FSHR: variants seen among roughly 807,000 people sequenced by gnomAD.
FSHR encodes the protein follicle-stimulating hormone receptor.
In FSHR, 46 loss-of-function variants were observed where a neutral mutation model predicts 52.1. The observed-to-expected ratio is 0.88, with a 90% confidence interval of 0.70 to 1.13. The LOEUF (loss-of-function observed/expected upper bound fraction) is 1.13, where lower values mean the gene tolerates loss of function less well. Among genes scored for constraint, FSHR ranks in the 50% most tolerant of loss-of-function variants. The pLI is 0.00. For missense variants in FSHR, 964 were observed against 834.6 expected (o/e 1.16, Z -1.91); for synonymous variants, 399 against 309.6 (o/e 1.29, Z -3.03).
At chr2:48,986,282 T>C (rs1037618801) in intron 6 of FSHR, among the ~76,000 whole-genome samples, 5 of 152,304 alleles carry the variant, frequency 3.3e-5, no homozygotes, top group Non-Finnish European at 7.4e-5. Flanking sequence ...TCTATCCATG[T>C]TGCTGCAAAG....
intron 6 of FSHR, among the ~76,000 whole-genome samples, chr2:48,987,741 CT>C (rs375484083): frequency 8.1e-4 from 123 of 152,036 alleles, no homozygotes; most frequent in Middle Eastern, 3.4e-3. Context: ...AATGATTGCT[CT>C]TTTTTTCTTT....
intron 1 of FSHR, among the ~76,000 whole-genome samples, chr2:49,114,290 T>C (rs909942610): frequency 6.6e-5 from 10 of 152,188 alleles, no homozygotes; most frequent in African/African-American, 2.4e-4. Flanking sequence ...GACTGGGGGC[T>C]GATCACCTCT....
chr2:49,097,431 G>A (rs907395043), intron 1 of FSHR, among the ~76,000 whole-genome samples: 10 of 152,126 alleles, frequency 6.6e-5, no homozygotes, highest in African/African-American at 2.2e-4. Context: ...GTATTTTTCA[G>A]TGCAAGGCCA....
chr2:49,121,642 A>C (rs1207951476), intron 1 of FSHR, among the ~76,000 whole-genome samples: 2 of 152,154 alleles, frequency 1.3e-5, no homozygotes, highest in Admixed American at 1.3e-4. Flanking sequence ...TTTGCCTTGC[A>C]GTTGTCATTC....
chr2:49,085,974 G>A (rs1228099340), intron 1 of FSHR, among the ~76,000 whole-genome samples: 1 of 147,260 alleles, frequency 6.8e-6, no homozygotes, highest in Non-Finnish European at 1.5e-5. Context: ...TGGGGGGGGG[G>A]AGTGGGGAGG....
chr2:49,021,564 C>G (rs1358447936), intron 2 of FSHR, among the ~76,000 whole-genome samples: 2 of 130,308 alleles, frequency 1.5e-5, no homozygotes, highest in African/African-American at 2.6e-5. Context: ...AAAAAGAAGG[C>G]CCCTGGGGGA....
intron 5 of FSHR, among the ~76,000 whole-genome samples, chr2:48,989,566 C>T (rs987985028): frequency 1.3e-5 from 2 of 152,128 alleles, no homozygotes; most frequent in Admixed American, 1.3e-4. Flanking sequence ...GAGCCACTGG[C>T]CACTGTGCAT....
intron 1 of FSHR, among the ~76,000 whole-genome samples, chr2:49,081,788 T>G (rs889432934): frequency 6.6e-6 from 1 of 152,232 alleles, no homozygotes; most frequent in Non-Finnish European, 1.5e-5. Flanking sequence ...CTGTCTCTGT[T>G]AGAAATATTT....
rs1558456195 is a variant in FSHR, at chr2:49,127,748, TTCTTTCTTCTTCTTC to T, written c.152+26503_152+26517del. 2.3e-3 allele frequency among the ~76,000 whole-genome samples: 263 copies of T among 116,046 alleles called. 17 individuals are homozygous for T. The highest frequency in any genetic ancestry group is 8.1e-3 in the African/African-American group (251 of 31,044). The allele number at this position is 116,046 out of a possible 152,430, so 76.1% of individuals were successfully genotyped here. Reference sequence around the variant, plus strand: ...TTGATTTGTGCATGATTTCTTCTTCTTCTTTCTTCTTCTTCTTCTTCTTCTTCTTCTTCTTCTTCT... The same window carrying T: ...TTGATTTGTGCATGATTTCTTCTTCTTTCTTCTTCTTCTTCTTCTTCTTCT... On this transcript the variant is annotated intron_variant, in intron 1 of 9. Coordinates refer to ENST00000406846, the MANE Select transcript of FSHR (RefSeq NM_000145.4).
chr2:49,125,338 A>T (rs1283360758), intron 1 of FSHR, among the ~76,000 whole-genome samples: 1 of 152,194 alleles, frequency 6.6e-6, no homozygotes, highest in East Asian at 1.9e-4. Flanking sequence ...ATCACAAAAA[A>T]ATCTCATAAT....
Position 49,098,173 on chromosome 2 carries a change from A to T in FSHR, c.153-29883T>A, listed in dbSNP as rs1670895061. On this transcript the variant is annotated intron_variant, in intron 1 of 9. Transcript: ENST00000406846. ...ATGATTCCTGATTGGTTTGAAATTT[A>T]AATTTGTAATTGGGTGTACTTTTTT... Among the ~76,000 whole-genome samples, 6 of 152,308 alleles carry T rather than the reference A, an allele frequency of 3.9e-5. No individual in the cohort carries two copies. In the South Asian group the frequency reaches 1.0e-3, roughly 26 times the overall value.
At chr2:49,103,907 C>T (rs1406276130) in intron 1 of FSHR, among the ~76,000 whole-genome samples, 1 of 151,432 alleles carries the variant, frequency 6.6e-6, no homozygotes. Flanking sequence ...TTTTAGTGTG[C>T]CTTGCTGCCC....
At chr2:48,977,763 A>G (rs1184829288) in intron 8 of FSHR, among the ~76,000 whole-genome samples, 1 of 152,200 alleles carries the variant, frequency 6.6e-6, no homozygotes, top group Non-Finnish European at 1.5e-5. Context: ...TAGGTGTTTA[A>G]TCAACATCCA....
At position 49,128,700 on chromosome 2, in the gene FSHR, T is replaced by C. The variant is rs149657369; in HGVS notation, c.152+25566A>G. Among the ~76,000 whole-genome samples, 629 of 151,478 alleles carry C rather than the reference T, an allele frequency of 4.2e-3. 4 individuals are homozygous for C. The highest frequency in any genetic ancestry group is 0.014 in the African/African-American group (564 of 41,308). On this transcript the variant is annotated intron_variant, in intron 1 of 9. Coordinates refer to ENST00000406846, the MANE Select transcript of FSHR (RefSeq NM_000145.4). ...AGTCTTTTTTTTTTTTCTATAAAAA[T>C]GAAGTTCAATATGTGGGAGAAGAGA...
At chr2:49,133,322 A>C (rs1236539974) in intron 1 of FSHR, among the ~76,000 whole-genome samples, 1 of 152,154 alleles carries the variant, frequency 6.6e-6, no homozygotes, top group African/African-American at 2.4e-5. Context: ...CTCTTGTCCC[A>C]GTTCATGAGG....
At chr2:49,135,263 A>G (rs1037459942) in intron 1 of FSHR, among the ~76,000 whole-genome samples, 4 of 152,162 alleles carry the variant, frequency 2.6e-5, no homozygotes, top group African/African-American at 9.7e-5. Context: ...AATAATACAA[A>G]GTATGTGTTC....
In FSHR at chr2:49,150,405, C is replaced by T. The variant is rs557082933; in HGVS notation, c.152+3861G>A. ...TATCTCTTGACTGACTTGGTCCTCA[C>T]GAAAGCCCTCTGTGGTAGATAATTT... On this transcript the variant is annotated intron_variant, in intron 1 of 9. Transcript: ENST00000406846. 3.2e-3 allele frequency among the ~76,000 whole-genome samples: 480 copies of T among 152,188 alleles called. 2 individuals carry two copies. The highest frequency in any genetic ancestry group is 5.1e-3 in the Non-Finnish European group (350 of 67,992).
intron 4 of FSHR, among the ~76,000 whole-genome samples, chr2:48,996,944 C>T (rs551280402): frequency 6.6e-6 from 1 of 152,218 alleles, no homozygotes; most frequent in Admixed American, 6.5e-5. Flanking sequence ...CTATTAATTA[C>T]AGATCCTTCT....
At chr2:49,102,813 T>A (rs1035145684) in intron 1 of FSHR, among the ~76,000 whole-genome samples, 1 of 150,326 alleles carries the variant, frequency 6.7e-6, no homozygotes, top group African/African-American at 2.5e-5. Context: ...TAAATATTTC[T>A]ACCAAAATCT....
Sources: allele counts gnomAD v4.1 joint callset (sites outside exome capture counted in the v4.1 genomes callset), GRCh38; gene constraint gnomAD v4.1.1; transcripts MANE v1.5; gene names NCBI Gene and HGNC (gene_info 2026-07-23, HGNC 2026-07-21).